Variants in TCEAL4 observed in about 807,000 individuals in gnomAD.
TCEAL4 encodes transcription elongation factor A protein-like 4.
A neutral mutation model predicts 1.3 loss-of-function variants in TCEAL4; 1 was observed. The ratio of observed to expected loss-of-function variants is 0.79; its 90% CI spans 0.28 to 3.76. TCEAL4 has a LOEUF of 3.76. Among genes scored for constraint, TCEAL4 ranks in the 30% most tolerant of loss-of-function variants. The pLI is 0.18. For missense variants in TCEAL4, 129 were observed against 154.7 expected (o/e 0.83, Z 0.88); for synonymous variants, 54 against 50.7 (o/e 1.06, Z -0.28).
upstream of TCEAL4, among the ~76,000 whole-genome samples, chrX:103,583,588 T>C (rs2073518008): frequency 8.9e-6 from 1 of 112,265 alleles, no homozygotes; most frequent in Admixed American, 9.4e-5. Flanking sequence ...TAGAAGCCAT[T>C]ATTCTCAGCA....
At chrX:103,585,836 A>G (rs919155758) in intron 1 of TCEAL4, 1 of 1,048,557 alleles carries the variant, frequency 9.5e-7, no homozygotes, top group East Asian at 3.4e-5. Flanking sequence ...GAGCACCCCC[A>G]AGTATCCATG....
At chrX:103,577,616 A>T (rs984618633) in intron 2 of TCEAL4, among the ~76,000 whole-genome samples, 3 of 111,956 alleles carry the variant, frequency 2.7e-5, no homozygotes, top group Non-Finnish European at 5.6e-5. Context: ...ATATCAATAA[A>T]TCTTAAAATT....
chrX:103,586,074 C>G, intron 1 of TCEAL4, 145 bp from the exon 2 acceptor site: 1 of 1,092,620 alleles, frequency 9.2e-7, no homozygotes, highest in Middle Eastern at 3.7e-4. Flanking sequence ...GTGCCCGAGG[C>G]CTGGAAAGAA....
upstream of TCEAL4, among the ~76,000 whole-genome samples, chrX:103,581,939 G>C (rs772572672): frequency 8.9e-6 from 1 of 111,775 alleles, no homozygotes. Flanking sequence ...CTAATAGGAA[G>C]AGAGGTAGTC....
At chrX:103,585,980 T>C (rs930959341) in intron 1 of TCEAL4, 1 of 1,074,235 alleles carries the variant, frequency 9.3e-7, no homozygotes, top group African/African-American at 1.9e-5. Flanking sequence ...AGAAAAACGT[T>C]GACCGCGAGG....
upstream of TCEAL4, among the ~76,000 whole-genome samples, chrX:103,581,063 C>T (rs1053667396): frequency 9.0e-6 from 1 of 111,603 alleles, no homozygotes; most frequent in Non-Finnish European, 1.9e-5. Context: ...CCACTGACCC[C>T]ACAGAAATAT....
upstream of TCEAL4, among the ~76,000 whole-genome samples, chrX:103,582,418 T>C (rs964734980): frequency 5.4e-5 from 6 of 112,033 alleles, no homozygotes; most frequent in African/African-American, 1.6e-4. Flanking sequence ...TTAAAACTCA[T>C]ATGGAACCAA....
rs1444838918 is a variant in TCEAL4 at position 103,585,538 on chromosome X, G to A, written c.-187G>A. ...CTGCACGGGCGCAGATGTAGGCACCGGTCCGAGTGCCTGCCCTCTGTCCCC... is the reference window on the plus strand; with the variant it reads ...CTGCACGGGCGCAGATGTAGGCACCAGTCCGAGTGCCTGCCCTCTGTCCCC... On this transcript the variant is annotated 5_prime_UTR_variant, in exon 1 of 3. Transcript: ENST00000472484. 8 of 1,154,391 alleles carry A rather than the reference G, an allele frequency of 6.9e-6. No homozygotes were observed. In the East Asian group the frequency reaches 1.6e-4, roughly 24 times the overall value.
At chrX:103,585,863 A>G in intron 1 of TCEAL4, 1 of 1,051,841 alleles carries the variant, frequency 9.5e-7, no homozygotes, top group African/African-American at 1.9e-5. Context: ...TTCCAGGCAC[A>G]TCCTCTTCTC....
chrX:103,579,528 T>C (rs1346093153), intron 2 of TCEAL4, among the ~76,000 whole-genome samples: 4 of 112,675 alleles, frequency 3.6e-5, no homozygotes, highest in Non-Finnish European at 5.6e-5. Context: ...ATTATCTTTA[T>C]GCTATTTTAA....
chrX:103,582,120 A>G (rs759236873), upstream of TCEAL4, among the ~76,000 whole-genome samples: 2 of 112,041 alleles, frequency 1.8e-5, no homozygotes, highest in East Asian at 5.6e-4. Flanking sequence ...CTGAGAGCTG[A>G]ATAATAAATG....
At chrX:103,576,272 C>T (rs1028552289) in exon 1 of TCEAL4, 1 of 548,730 alleles carries the variant, frequency 1.8e-6, no homozygotes, top group Non-Finnish European at 2.8e-6. Flanking sequence ...CCATAAAGGG[C>T]CAGAAAGTAA....
Position 103,587,064 on chromosome X carries a change from C to T in TCEAL4, c.389C>T (p.Thr130Ile). ...GTACCCAGGAAAGCCAAAAGAAAAA[C>T]TAATAAGGGGCTGGCTCATTACCTC... ...DDVPRKAKRK[T>I]NKGLAHYLKE... Residue 130 changes from threonine (T) to isoleucine (I), a missense_variant, in exon 3 of 3, where the codon ACT (threonine) becomes ATT (isoleucine). By Grantham distance (89) the Thr-to-Ile change is moderately conservative (BLOSUM62 -1). Around this residue, in one of 2 missense-constraint regions of TCEAL4, gnomAD observed 116 missense variants for 120.3 expected, o/e 0.96. Transcript: ENST00000472484. The T allele has an allele frequency of 8.3e-7, 1 of 1,211,434 alleles. No individual in the cohort carries two copies. Among genetic ancestry groups the T allele is most frequent in the Non-Finnish European group, 1.1e-6 (1 of 895,498 alleles).
At chrX:103,582,970 T>A (rs1441181804), upstream of TCEAL4, among the ~76,000 whole-genome samples, 1 of 111,608 alleles carries the variant, frequency 9.0e-6, no homozygotes, top group East Asian at 2.8e-4. Flanking sequence ...ATTTTTGCAA[T>A]TTATCCATCT....
Position 103,587,172 on chromosome X carries a change from A to G in TCEAL4, c.497A>G (p.Gln166Arg). The G allele has an allele frequency of 8.3e-7, 1 of 1,211,215 alleles. No individual in the cohort carries two copies. Among genetic ancestry groups the G allele is most frequent in the East Asian group, 3.0e-5 (1 of 33,872 alleles). ...GAATTTGACAATATGGCTAAGGTGC[A>G]GGATGAGAAGAGAAAAAGCAAACAG... Reference protein sequence around the residue: ...IREFDNMAKVQDEKRKSKQKL... With the variant: ...IREFDNMAKVRDEKRKSKQKL... Residue 166 changes from glutamine (Q) to arginine (R), a missense_variant, in exon 3 of 3, where the codon CAG becomes CGG. By Grantham distance (43) the Gln-to-Arg change is conservative (BLOSUM62 1). Transcript: ENST00000472484.
At chrX:103,578,826 A>G (rs1603157707) in intron 2 of TCEAL4, among the ~76,000 whole-genome samples, 2 of 111,840 alleles carry the variant, frequency 1.8e-5, no homozygotes, top group East Asian at 5.5e-4. Flanking sequence ...GAATCATAAA[A>G]ATTGTGCATT....
At chrX:103,581,528 A>C (rs748820329), upstream of TCEAL4, among the ~76,000 whole-genome samples, 1 of 111,649 alleles carries the variant, frequency 9.0e-6, no homozygotes, top group East Asian at 2.8e-4. Context: ...GCAACACATC[A>C]AAAAGCTTAT....
rs750803396 is a variant in TCEAL4 at position 103,576,978 on chromosome X, C to T, written c.64-116C>T. On this transcript the variant is annotated intron_variant, in intron 1 of 4. Transcript: ENST00000372629. The stretch of plus-strand genomic sequence containing the variant: ...AAGAATTGTTACATGGCAGCTGCTT[C>T]TCCAAGAGTGAATATTCCAAAAATG... The T allele has an allele frequency of 5.9e-5, 55 of 925,795 alleles. No homozygotes were observed. The African/African-American group carries it at 9.5e-4, about 16-fold the overall frequency. 76.3% of individuals were successfully genotyped at this position (925,795 alleles called of 1,213,427 possible).
upstream of TCEAL4, among the ~76,000 whole-genome samples, chrX:103,581,111 C>T (rs760661277): frequency 2.7e-5 from 3 of 111,603 alleles, no homozygotes; most frequent in South Asian, 1.1e-3. Context: ...CCTTTATGCA[C>T]ATAAACTGGA....
Sources: gnomAD v4.1 joint callset for allele counts (sites outside exome capture counted in the v4.1 genomes callset) on GRCh38, gnomAD v4.1.1 for gene constraint, gnomAD v4.1.1 regional missense constraint, MANE v1.5 for transcripts, NCBI Gene and HGNC (gene_info 2026-07-23, HGNC 2026-07-21) for gene names.